SMURF1: variants seen among roughly 807,000 people sequenced by gnomAD.
SMURF1 encodes the protein E3 ubiquitin-protein ligase SMURF1.
In SMURF1, 44 loss-of-function variants were observed where a neutral mutation model predicts 98.0. The ratio of observed to expected loss-of-function variants is 0.45; its 90% CI spans 0.35 to 0.58. The LOEUF is 0.58. Ranked by LOEUF, SMURF1 falls within the 20% of genes least tolerant of loss-of-function variation. The pLI is 0.00. For missense variants in SMURF1, 687 were observed against 938.4 expected (o/e 0.73, Z 3.50); for synonymous variants, 396 against 374.9 (o/e 1.06, Z -0.65).
At chr7:99,061,594 G>A (rs760423383) in intron 2 of SMURF1, among the ~76,000 whole-genome samples, 8 of 152,096 alleles carry the variant, frequency 5.3e-5, no homozygotes, top group East Asian at 1.9e-4. Context: ...CAGGTTTTGC[G>A]GTATGATTTA....
In SMURF1 at chr7:99,045,764, T is replaced by A; in HGVS notation, c.1190A>T (p.Asp397Val). ...YRQIMKMRPK[D>V]LKKRLMVKFR... ...TTTCACCATCAGCCGTTTTTTCAAG[T>A]CTTTCGGTCGCATCTTCATTATCTG... The change falls in exon 11 of 18, where the codon GAC becomes GTC. Residue 397 changes from aspartate to valine, a missense_variant. By Grantham distance (152) the Asp-to-Val change is radical. Around this residue, in one of 2 missense-constraint regions of SMURF1, gnomAD observed 415 missense variants for 508.4 expected, o/e 0.82. Transcript: ENST00000361368. 1.2e-6 allele frequency: 2 copies of A among 1,614,234 alleles called. No individual in the cohort carries two copies. The highest frequency in any genetic ancestry group is 1.7e-6 in the Non-Finnish European group (2 of 1,180,034).
At chr7:99,080,637 T>G (rs1319536565) in intron 1 of SMURF1, among the ~76,000 whole-genome samples, 4 of 152,204 alleles carry the variant, frequency 2.6e-5, no homozygotes, top group African/African-American at 9.6e-5. Flanking sequence ...TATCAAGATT[T>G]CAAGGTACAG....
chr7:99,060,755 C>T (rs1460411229), intron 2 of SMURF1, 48 bp from the exon 3 acceptor site: 4 of 1,224,532 alleles, frequency 3.3e-6, no homozygotes, highest in South Asian at 1.3e-5. Context: ...CACATCCATC[C>T]ATGTGACACA....
chr7:99,031,295 G>A (rs1584435609), intron 17 of SMURF1: 2 of 152,180 alleles, frequency 1.3e-5, no homozygotes, highest in African/African-American at 4.8e-5. Context: ...CAAGATGACA[G>A]ATCCTTAAAA....
chr7:99,141,967 G>C (rs558082858), intron 1 of SMURF1, among the ~76,000 whole-genome samples: 1 of 152,196 alleles, frequency 6.6e-6, no homozygotes. Flanking sequence ...AAATATTCGA[G>C]TTTGGAAAGT....
chr7:99,132,441 A>G (rs1369988679), intron 1 of SMURF1, among the ~76,000 whole-genome samples: 1 of 152,206 alleles, frequency 6.6e-6, no homozygotes, highest in African/African-American at 2.4e-5. Context: ...CCAAGAGCAG[A>G]GACAGAAAAT....
chr7:99,063,165 G>T (rs753732290), intron 1 of SMURF1, among the ~76,000 whole-genome samples: 1 of 142,344 alleles, frequency 7.0e-6, no homozygotes, highest in Non-Finnish European at 1.5e-5. Flanking sequence ...GAATAATGTC[G>T]TAAGTGATAA....
chr7:99,080,381 C>T (rs1391606824), intron 1 of SMURF1, among the ~76,000 whole-genome samples: 3 of 152,188 alleles, frequency 2.0e-5, no homozygotes, highest in African/African-American at 4.8e-5. Flanking sequence ...CTCACTGCAA[C>T]CTCTGCCTCC....
At chr7:99,063,521 C>G (rs925707961) in intron 1 of SMURF1, among the ~76,000 whole-genome samples, 5 of 149,362 alleles carry the variant, frequency 3.3e-5, no homozygotes, top group African/African-American at 1.2e-4. Flanking sequence ...AGCTCCTGGC[C>G]TCAAGCAATC....
rs150079661 is a variant in SMURF1 at position 99,057,497 on chromosome 7, A to G, written c.258T>C (p.Ile86=). 9.5e-5 allele frequency: 151 copies of G among 1,588,326 alleles called. 1 individual carries two copies. The African/African-American group carries it at 1.9e-3, about 20-fold the overall frequency. ...ITISVWNHKK[I]HKKQGAGFLG... The stretch of plus-strand genomic sequence containing the variant: ...GGAAGCCAGCTCCCTGTTTCTTGTG[A>G]ATTTTCTTATGGTTCCACACGCTAA... Residue 86 remains isoleucine, a synonymous_variant, in exon 4 of 18, where the codon ATT becomes ATC. Coordinates refer to ENST00000361368, the MANE Select transcript of SMURF1 (RefSeq NM_181349.3).
At chr7:99,141,128 A>G (rs1054021630) in intron 1 of SMURF1, among the ~76,000 whole-genome samples, 2 of 152,220 alleles carry the variant, frequency 1.3e-5, no homozygotes, top group Admixed American at 6.5e-5. Context: ...TTCAGAAACA[A>G]CACTCATCAC....
intron 12 of SMURF1, among the ~76,000 whole-genome samples, chr7:99,041,891 A>G (rs905782302): frequency 2.4e-4 from 36 of 152,224 alleles, no homozygotes; most frequent in Middle Eastern, 3.4e-3. Flanking sequence ...GCTCAGTTTC[A>G]CCCTTCATCT....
intron 1 of SMURF1, among the ~76,000 whole-genome samples, chr7:99,066,998 CTTTTTTTTT>C (rs376242285): frequency 1.2e-4 from 14 of 121,684 alleles, no homozygotes; most frequent in African/African-American, 4.9e-4. Context: ...ATTTTTTTTT[CTTTTTTTTT>C]TTTTTTGAGA....
At chr7:99,110,224 T>C (rs1797288023) in intron 1 of SMURF1, among the ~76,000 whole-genome samples, 3 of 151,862 alleles carry the variant, frequency 2.0e-5, no homozygotes, top group Admixed American at 2.0e-4. Flanking sequence ...AAAGCAACAG[T>C]GAAAAAAGAT....
rs774692664 is a variant in SMURF1, at chr7:99,054,850, C to G, written c.419G>C (p.Arg140Pro). The change falls in exon 6 of 18, where the codon CGA becomes CCA. Residue 140 changes from arginine (R) to proline (P), a missense_variant. Physicochemically the swap from Arg to Pro is moderately radical, Grantham distance 103 (BLOSUM62 -2). Transcript: ENST00000361368. ...RGQIVVSLQT[R>P]DRIGTGGSVV... is the part of the protein sequence containing the mutation. ...CGAGCCGCCGGTTCCTATTCTGTCT[C>G]GTGTCTGTAAACTGACTAAAAGAGA... The G allele has an allele frequency of 1.2e-6, 2 of 1,613,964 alleles. No individual in the cohort carries two copies. Among genetic ancestry groups the G allele is most frequent in the East Asian group, 4.5e-5 (2 of 44,880 alleles).
intron 17 of SMURF1, among the ~76,000 whole-genome samples, chr7:99,031,804 T>A (rs1309358904): frequency 6.6e-6 from 1 of 152,204 alleles, no homozygotes; most frequent in African/African-American, 2.4e-5. Flanking sequence ...CCCCGCATCC[T>A]TGGGTTCCAA....
intron 11 of SMURF1, among the ~76,000 whole-genome samples, chr7:99,042,446 G>A (rs534864231): frequency 6.6e-6 from 1 of 152,208 alleles, no homozygotes; most frequent in East Asian, 1.9e-4. Flanking sequence ...GCTATTTTCT[G>A]GATTTTTTAG....
intron 1 of SMURF1, among the ~76,000 whole-genome samples, chr7:99,071,711 A>G (rs559362848): frequency 6.6e-6 from 1 of 152,248 alleles, no homozygotes; most frequent in East Asian, 1.9e-4. Context: ...AAGTCTATCT[A>G]TATAGGACAA....
intron 1 of SMURF1, among the ~76,000 whole-genome samples, chr7:99,121,556 C>T (rs185128450): frequency 6.6e-6 from 1 of 152,196 alleles, no homozygotes; most frequent in Non-Finnish European, 1.5e-5. Context: ...CTCTTCTCCC[C>T]GCCCCCAGTC....
Sources: gnomAD v4.1 joint callset for allele counts (sites outside exome capture counted in the v4.1 genomes callset) on GRCh38, gnomAD v4.1.1 for gene constraint, gnomAD v4.1.1 regional missense constraint, MANE v1.5 for transcripts, NCBI Gene and HGNC (gene_info 2026-07-23, HGNC 2026-07-21) for gene names.